The following MICAL3 variants were observed in gnomAD, a reference collection of about 807,000 sequenced individuals.
MICAL3 encodes [F-actin]-monooxygenase MICAL3.
MICAL3 carries 62 observed loss-of-function variants against 207.4 expected under a neutral mutation model. The ratio of observed to expected loss-of-function variants is 0.30; its 90% CI spans 0.24 to 0.37. MICAL3 has a LOEUF of 0.37. MICAL3 is among the 10% of genes least tolerant of loss of function. MICAL3 has a pLI of 1.00. For synonymous variants in MICAL3, 1,077 were observed against 1,069.3 expected (o/e 1.01, Z -0.14); for missense variants, 2,368 against 2,635.6 (o/e 0.90, Z 2.22).
chr22:17,865,817 G>A (rs755678009), intron 18 of MICAL3, 107 bp downstream of exon 18: 57 of 862,220 alleles, frequency 6.6e-5, no homozygotes, highest in Non-Finnish European at 1.1e-4. Context: ...CCGTTCCCAG[G>A]AGAGGCAAGG....
intron 1 of MICAL3, among the ~76,000 whole-genome samples, chr22:18,018,303 T>C (rs767030506): frequency 2.0e-5 from 3 of 152,250 alleles, no homozygotes; most frequent in Non-Finnish European, 2.9e-5. Context: ...GACCTTTTAA[T>C]ATTTCATTTT....
At chr22:17,871,608 T>C (rs1041041307) in intron 17 of MICAL3, among the ~76,000 whole-genome samples, 6 of 152,162 alleles carry the variant, frequency 3.9e-5, no homozygotes, top group African/African-American at 1.2e-4. Flanking sequence ...GGAAATGACT[T>C]AGGTAAATGC....
At chr22:17,860,669 C>CGG in intron 19 of MICAL3, 1 of 985,458 alleles carries the variant, frequency 1.0e-6, no homozygotes, top group Non-Finnish European at 1.2e-6. Flanking sequence ...ACATGTGAGG[C>CGG]GGGTGCCCGG....
chr22:17,977,184 T>C (rs939775774), intron 1 of MICAL3, among the ~76,000 whole-genome samples: 8 of 152,132 alleles, frequency 5.3e-5, no homozygotes, highest in South Asian at 2.1e-4. Flanking sequence ...GAGAGTAAAT[T>C]TGACATCACC....
At chr22:17,959,475 C>T (rs570307588) in intron 1 of MICAL3, among the ~76,000 whole-genome samples, 4 of 152,054 alleles carry the variant, frequency 2.6e-5, no homozygotes, top group South Asian at 2.1e-4. Flanking sequence ...CCACCAGGCC[C>T]GGCTAATTTT....
intron 1 of MICAL3, among the ~76,000 whole-genome samples, chr22:18,007,706 C>T (rs1408915000): frequency 7.0e-6 from 1 of 142,214 alleles, no homozygotes; most frequent in Non-Finnish European, 1.5e-5. Flanking sequence ...GTAATCCCAG[C>T]ACTTTGGGAG....
chr22:17,990,130 C>A (rs1921497155), intron 1 of MICAL3, among the ~76,000 whole-genome samples: 1 of 152,094 alleles, frequency 6.6e-6, no homozygotes, highest in Non-Finnish European at 1.5e-5. Context: ...AATGCAAAGC[C>A]CCAGGGGATC....
chr22:17,831,629 C>T (rs1009210090), intron 21 of MICAL3, among the ~76,000 whole-genome samples: 7 of 152,210 alleles, frequency 4.6e-5, no homozygotes, highest in Non-Finnish European at 7.3e-5. Context: ...CTTCCAGTTT[C>T]TAAACCAATG....
rs972180321 is a variant in MICAL3, at chr22:17,793,329, A to C, written c.5651-2028T>G. Reference sequence around the variant, plus strand: ...GTTGTTTGGAAAGGGGCCCGAGGGCACTGGTGTAGATCAGTCTTTGTAAGG... The same window carrying C: ...GTTGTTTGGAAAGGGGCCCGAGGGCCCTGGTGTAGATCAGTCTTTGTAAGG... On this transcript the variant is annotated intron_variant, in intron 29 of 31. Transcript: ENST00000441493. This position sits in a 1 kb window ranked among gnomAD's most constrained non-coding sequence, Gnocchi z 4.1. Among the ~76,000 whole-genome samples the C allele has an allele frequency of 6.6e-6, 1 of 152,242 alleles. No individual in the cohort carries two copies. The highest frequency in any genetic ancestry group is 2.4e-5 in the African/African-American group (1 of 41,470).
chr22:17,789,707 C>T lies in MICAL3; in HGVS notation c.*1025G>A, dbSNP rs914761382. 2.6e-5 allele frequency: 4 copies of T among 152,312 alleles called. No homozygotes were observed. Among genetic ancestry groups the T allele is most frequent in the African/African-American group, 9.6e-5 (4 of 41,476 alleles). The allele number at this position is 152,312 out of a possible 1,614,324, so 9.4% of individuals were successfully genotyped here. Reference sequence around the variant, plus strand: ...TGAGGAGCACCGGGCAGCCCCGGACCAGGTCGCGTAGGACGCACCAGATGC... The same window carrying T: ...TGAGGAGCACCGGGCAGCCCCGGACTAGGTCGCGTAGGACGCACCAGATGC... On this transcript the variant is annotated 3_prime_UTR_variant, in exon 32 of 32. Transcript: ENST00000441493.
intron 13 of MICAL3, among the ~76,000 whole-genome samples, chr22:17,888,668 T>C (rs1189206795): frequency 6.6e-6 from 1 of 152,046 alleles, no homozygotes; most frequent in African/African-American, 2.4e-5. Flanking sequence ...GAAGCCGGAT[T>C]ATAACCCGTT....
intron 1 of MICAL3, among the ~76,000 whole-genome samples, chr22:17,963,465 A>G (rs1232905200): frequency 6.6e-6 from 1 of 152,040 alleles, no homozygotes; most frequent in Non-Finnish European, 1.5e-5. Flanking sequence ...GACAGTCCCT[A>G]TCTCCCAAGC....
intron 1 of MICAL3, among the ~76,000 whole-genome samples, chr22:18,009,008 T>C (rs1447450857): frequency 2.0e-5 from 3 of 152,204 alleles, no homozygotes; most frequent in Admixed American, 6.5e-5. Context: ...TGGTTCAAAA[T>C]TGGGTGATTT....
chr22:17,967,161 T>C (rs5013014), intron 1 of MICAL3, among the ~76,000 whole-genome samples: 30,415 of 152,088 alleles, frequency 0.2, 3,203 homozygotes, highest in Middle Eastern at 0.27. Flanking sequence ...ATGAACAGGA[T>C]GGCCAGCATC....
intron 1 of MICAL3, among the ~76,000 whole-genome samples, chr22:17,924,234 A>G (rs552785108): frequency 3.5e-4 from 54 of 152,294 alleles, no homozygotes; most frequent in African/African-American, 1.2e-3. Context: ...ACCAAAGGAC[A>G]CCGTCAGTCC....
chr22:17,821,151 G>A (rs1921602944), intron 25 of MICAL3, among the ~76,000 whole-genome samples: 1 of 152,014 alleles, frequency 6.6e-6, no homozygotes, highest in African/African-American at 2.4e-5. Flanking sequence ...CTCAGGTTTG[G>A]GATCAGAGTG....
intron 1 of MICAL3, among the ~76,000 whole-genome samples, chr22:17,984,899 C>T (rs9605483): frequency 0.073 from 11,141 of 152,200 alleles, 899 homozygotes; most frequent in African/African-American, 0.2. Context: ...AACTCAACCC[C>T]AGGCAGCCTG....
chr22:17,877,349 T>TATGGAGGTTAGGGAGGTG (rs1928803738), intron 16 of MICAL3, among the ~76,000 whole-genome samples: 3 of 94,244 alleles, frequency 3.2e-5, no homozygotes, highest in African/African-American at 1.3e-4. Flanking sequence ...TTAGGGAGGT[T>TATGGAGGTTAGGGAGGTG]AGGGAGGTTA....
At chr22:17,868,952 T>C (rs895642528) in intron 17 of MICAL3, among the ~76,000 whole-genome samples, 1 of 152,048 alleles carries the variant, frequency 6.6e-6, no homozygotes, top group African/African-American at 2.4e-5. Context: ...GGCGCACCGG[T>C]GCCTGGGCAG....
Sources: allele counts gnomAD v4.1 joint callset (sites outside exome capture counted in the v4.1 genomes callset), GRCh38; gene constraint gnomAD v4.1.1; non-coding constraint Gnocchi (gnomAD v3.1); transcripts MANE v1.5; gene names NCBI Gene and HGNC (gene_info 2026-07-23, HGNC 2026-07-21).